Variants in LDLRAD3 observed in about 807,000 individuals in gnomAD.
The protein encoded by LDLRAD3 is low density lipoprotein receptor class A domain containing 3, also known as low-density lipoprotein receptor class A domain-containing protein 3.
Under a neutral mutation model 29.4 loss-of-function variants are expected in LDLRAD3, and 20 were observed. The ratio of observed to expected loss-of-function variants is 0.68; its 90% CI spans 0.48 to 0.99. LDLRAD3 has a LOEUF of 0.99. Among genes scored for constraint, LDLRAD3 ranks in the 50% least tolerant of loss-of-function variants. LDLRAD3 has a pLI of 0.00. For synonymous variants in LDLRAD3, 157 were observed against 192.7 expected (o/e 0.81, Z 1.53); for missense variants, 420 against 454.3 (o/e 0.92, Z 0.69).
In LDLRAD3 at chr11:36,212,811, C is replaced by G. The variant is rs77817434; in HGVS notation, c.455-14274C>G. The stretch of plus-strand genomic sequence containing the variant: ...CTAAGAAACTCTCTGGGGTGAACAG[C>G]TTAGAAATTAGGGGCCATTGATACC... On this transcript the variant is annotated intron_variant, in intron 4 of 5. Coordinates refer to ENST00000315571, the MANE Select transcript of LDLRAD3 (RefSeq NM_174902.4). Among the ~76,000 whole-genome samples, 348 of 152,230 alleles carry G rather than the reference C, an allele frequency of 2.3e-3. 4 individuals are homozygous for G. In the East Asian group the frequency reaches 0.024, roughly 11 times the overall value.
intron 4 of LDLRAD3, chr11:36,196,181 C>A (rs1855030048): frequency 6.6e-6 from 1 of 152,202 alleles, no homozygotes; most frequent in Non-Finnish European, 1.5e-5. Flanking sequence ...TATCTAATAT[C>A]TTTGGCATGA....
At chr11:35,991,147 T>C (rs1215558089) in intron 1 of LDLRAD3, among the ~76,000 whole-genome samples, 1 of 152,256 alleles carries the variant, frequency 6.6e-6, no homozygotes. Context: ...GTTTGCAGCA[T>C]GATGCTCTTC....
intron 3 of LDLRAD3, among the ~76,000 whole-genome samples, chr11:36,097,877 C>A (rs917838367): frequency 6.6e-6 from 1 of 151,974 alleles, no homozygotes; most frequent in Non-Finnish European, 1.5e-5. Context: ...AGCACAGCAG[C>A]CTAGGATAGT....
intron 3 of LDLRAD3, among the ~76,000 whole-genome samples, chr11:36,086,423 C>A (rs961533588): frequency 6.6e-6 from 1 of 152,130 alleles, no homozygotes; most frequent in Non-Finnish European, 1.5e-5. Flanking sequence ...AAATGACCTG[C>A]GCAGGTCAGG....
At chr11:36,037,081 C>T (rs1258458675) in intron 2 of LDLRAD3, among the ~76,000 whole-genome samples, 2 of 152,136 alleles carry the variant, frequency 1.3e-5, no homozygotes, top group African/African-American at 4.8e-5. Context: ...GTGTGGTTGT[C>T]CTCCTGGGTG....
At chr11:36,216,907 G>A (rs1054421197) in intron 4 of LDLRAD3, among the ~76,000 whole-genome samples, 2 of 152,184 alleles carry the variant, frequency 1.3e-5, no homozygotes, top group African/African-American at 4.8e-5. Context: ...GGATAAATGG[G>A]ACAGAGGAGA....
At chr11:36,214,099 C>T (rs1855320765) in intron 4 of LDLRAD3, among the ~76,000 whole-genome samples, 2 of 152,192 alleles carry the variant, frequency 1.3e-5, no homozygotes, top group African/African-American at 4.8e-5. Flanking sequence ...AACCAGAAGG[C>T]TGTGGGGCCC....
chr11:36,144,359 G>T (rs1854137343), intron 4 of LDLRAD3, among the ~76,000 whole-genome samples: 1 of 144,228 alleles, frequency 6.9e-6, no homozygotes, highest in Non-Finnish European at 1.5e-5. Flanking sequence ...ACCCCGTCTG[G>T]GAAGTGAGGA....
intron 4 of LDLRAD3, among the ~76,000 whole-genome samples, chr11:36,183,835 A>G (rs543908832): frequency 2.6e-5 from 4 of 152,044 alleles, no homozygotes; most frequent in Non-Finnish European, 5.9e-5. Context: ...GCTATCATTC[A>G]GTTCATTTAT....
At chr11:36,151,352 G>GGTGCCAT in intron 4 of LDLRAD3, among the ~76,000 whole-genome samples, 1 of 152,112 alleles carries the variant, frequency 6.6e-6, no homozygotes, top group Non-Finnish European at 1.5e-5. Context: ...AACTTCAGGG[G>GGTGCCAT]GTGCCATTTA....
At chr11:36,226,783 A>G (rs935098241) in intron 4 of LDLRAD3, among the ~76,000 whole-genome samples, 5 of 152,132 alleles carry the variant, frequency 3.3e-5, no homozygotes, top group Admixed American at 2.0e-4. Context: ...GAATCTTACA[A>G]TATGTGATCT....
chr11:35,952,618 TC>T (rs1326307432), intron 1 of LDLRAD3, among the ~76,000 whole-genome samples: 3 of 152,124 alleles, frequency 2.0e-5, no homozygotes, highest in Admixed American at 2.0e-4. Flanking sequence ...AGATAATTCT[TC>T]CCCCCTTTAT....
chr11:36,131,160 G>A (rs576120008), intron 4 of LDLRAD3, among the ~76,000 whole-genome samples: 143 of 152,368 alleles, frequency 9.4e-4, no homozygotes, highest in African/African-American at 3.4e-3. Context: ...TAAGGCTCAT[G>A]CCTTGAGAGG....
chr11:36,022,842 A>AC (rs1162362856), intron 1 of LDLRAD3, among the ~76,000 whole-genome samples: 10 of 152,304 alleles, frequency 6.6e-5, no homozygotes, highest in African/African-American at 2.4e-4. Context: ...GATTTACCAA[A>AC]CCTGATAGTC....
intron 1 of LDLRAD3, among the ~76,000 whole-genome samples, chr11:36,032,121 GTT>G (rs766466942): frequency 1.2e-4 from 18 of 152,304 alleles, no homozygotes; most frequent in Admixed American, 2.0e-4. Flanking sequence ...TAATGCCATT[GTT>G]TTAACTTCAT....
At chr11:36,198,658 A>G (rs980194308) in intron 4 of LDLRAD3, among the ~76,000 whole-genome samples, 2 of 152,148 alleles carry the variant, frequency 1.3e-5, no homozygotes, top group African/African-American at 4.8e-5. Context: ...AGCTCTTGGC[A>G]CACACCTAGC....
chr11:35,952,230 C>G (rs1376154761), intron 1 of LDLRAD3, among the ~76,000 whole-genome samples: 1 of 152,200 alleles, frequency 6.6e-6, no homozygotes, highest in East Asian at 1.9e-4. Flanking sequence ...GTGACTTAGA[C>G]TTGGTCTCCT....
intron 2 of LDLRAD3, among the ~76,000 whole-genome samples, chr11:36,059,193 T>C (rs1289455781): frequency 1.3e-5 from 2 of 152,062 alleles, no homozygotes; most frequent in African/African-American, 2.4e-5. Flanking sequence ...TAGTGAGACA[T>C]TGTCTCTACA....
chr11:36,078,394 C>T (rs1006658067), intron 2 of LDLRAD3, among the ~76,000 whole-genome samples: 2 of 152,228 alleles, frequency 1.3e-5, no homozygotes, highest in Non-Finnish European at 2.9e-5. Flanking sequence ...GGTCTCCCTC[C>T]CATGTTTGTC....
Sources: gnomAD v4.1 joint callset for allele counts (sites outside exome capture counted in the v4.1 genomes callset) on GRCh38, gnomAD v4.1.1 for gene constraint, MANE v1.5 for transcripts, NCBI Gene and HGNC (gene_info 2026-07-23, HGNC 2026-07-21) for gene names.